The following TUSC3 variants were observed in gnomAD, a reference collection of about 807,000 sequenced individuals.
TUSC3 encodes the protein dolichyl-diphosphooligosaccharide--protein glycosyltransferase subunit TUSC3.
Under a neutral mutation model 44.8 loss-of-function variants are expected in TUSC3, and 45 were observed. The observed-to-expected ratio is 1.00, with a 90% CI of 0.79 to 1.29. The LOEUF is 1.29. Among genes scored for constraint, TUSC3 ranks in the 50% most tolerant of loss-of-function variants. The pLI is 0.00. For synonymous variants in TUSC3, 212 were observed against 152.9 expected (o/e 1.39, Z -2.85); for missense variants, 519 against 437.9 (o/e 1.19, Z -1.65).
At chr8:15,663,642 G>T (rs899575155) in intron 5 of TUSC3, among the ~76,000 whole-genome samples, 1 of 151,844 alleles carries the variant, frequency 6.6e-6, no homozygotes, top group African/African-American at 2.4e-5. Context: ...GAGCAAGGAA[G>T]ATAAGATTTT....
intron 1 of TUSC3, among the ~76,000 whole-genome samples, chr8:15,565,872 G>C (rs1310045069): frequency 6.6e-6 from 1 of 152,024 alleles, no homozygotes; most frequent in Non-Finnish European, 1.5e-5. Flanking sequence ...TCCTGAATTT[G>C]GCTCTGTACT....
chr8:15,744,130 C>A (rs368250772), intron 8 of TUSC3, among the ~76,000 whole-genome samples: 6 of 152,180 alleles, frequency 3.9e-5, no homozygotes, highest in Non-Finnish European at 8.8e-5. Context: ...ACTATCTTTT[C>A]CAGGGTCTTT....
chr8:15,506,130 A>G (rs997955529), intron 2 of TUSC3, among the ~76,000 whole-genome samples: 3 of 152,220 alleles, frequency 2.0e-5, no homozygotes, highest in East Asian at 1.9e-4. Context: ...TGACTTCCAC[A>G]TCATACCAGA....
chr8:15,810,684 C>G, the TUSC3 span, among the ~76,000 whole-genome samples: 1 of 152,036 alleles, frequency 6.6e-6, no homozygotes, highest in Non-Finnish European at 1.5e-5. Flanking sequence ...TATTTTATCC[C>G]CAAATATATT....
the TUSC3 span, among the ~76,000 whole-genome samples, chr8:15,849,477 G>A: frequency 1.4e-4 from 21 of 152,044 alleles, no homozygotes; most frequent in Non-Finnish European, 2.9e-4. Flanking sequence ...AAGCTCTGGG[G>A]AAAAGTATTG....
At chr8:15,507,817 A>G (rs977165684) in intron 2 of TUSC3, among the ~76,000 whole-genome samples, 3 of 152,208 alleles carry the variant, frequency 2.0e-5, no homozygotes, top group African/African-American at 7.2e-5. Context: ...AGTTAAATAA[A>G]AAAAAGGCAA....
intron 6 of TUSC3, among the ~76,000 whole-genome samples, chr8:15,701,599 C>G (rs1048327126): frequency 1.3e-5 from 2 of 152,104 alleles, no homozygotes; most frequent in Admixed American, 1.3e-4. Context: ...TGTCATCAAT[C>G]TGTTAATAAA....
At chr8:15,573,862 C>G (rs760377032) in intron 1 of TUSC3, among the ~76,000 whole-genome samples, 54 of 151,880 alleles carry the variant, frequency 3.6e-4, no homozygotes, top group Non-Finnish European at 7.1e-4. Context: ...CAGAACATGT[C>G]ATATTGCAAC....
chr8:15,818,948 G>A, the TUSC3 span, among the ~76,000 whole-genome samples: 2 of 152,096 alleles, frequency 1.3e-5, no homozygotes, highest in Non-Finnish European at 2.9e-5. Context: ...TGTGGGTCTC[G>A]TGCAGTGGTT....
At chr8:15,847,537 C>T in the TUSC3 span, among the ~76,000 whole-genome samples, 1,791 of 152,262 alleles carry the variant, frequency 0.012, 13 homozygotes, top group Non-Finnish European at 0.017. Flanking sequence ...ACCTAGGTGA[C>T]ATCATTTTCT....
In TUSC3 at chr8:15,662,105, GA is replaced by G. The variant is rs763901672; in HGVS notation, c.568-46del. 2.5e-6 allele frequency: 4 copies of G among 1,593,964 alleles called. No homozygotes were observed. The African/African-American group carries it at 4.0e-5, about 16-fold the overall frequency. ...TATGAGGACTAGAATATGATCAAAA[GA>G]AAAATTTTATTTTTCTTTCATTTTT... On this transcript the variant is annotated intron_variant, in intron 4 of 10. Transcript: ENST00000503731.
chr8:15,654,207 G>T (rs1807047092), intron 3 of TUSC3, among the ~76,000 whole-genome samples: 2 of 152,138 alleles, frequency 1.3e-5, no homozygotes, highest in Admixed American at 1.3e-4. Context: ...GGAAGATGGG[G>T]ACTTTCAGCT....
intron 2 of TUSC3, among the ~76,000 whole-genome samples, chr8:15,636,521 A>C (rs1377430974): frequency 6.6e-6 from 1 of 152,214 alleles, no homozygotes; most frequent in African/African-American, 2.4e-5. Context: ...GGCAGTTGCC[A>C]TCCAGAAATC....
chr8:15,543,910 TTGTGTGTGTGTG>T (rs34091995), intron 1 of TUSC3, among the ~76,000 whole-genome samples: 1 of 148,812 alleles, frequency 6.7e-6, no homozygotes. Flanking sequence ...TCCCATGGAT[TTGTGTGTGTGTG>T]TGTGTGTGTG....
At chr8:15,503,443 C>G (rs1800997148) in intron 2 of TUSC3, among the ~76,000 whole-genome samples, 1 of 152,034 alleles carries the variant, frequency 6.6e-6, no homozygotes, top group East Asian at 1.9e-4. Flanking sequence ...ACTTCTAGGA[C>G]CTTCTTCTTC....
At chr8:15,423,433 C>T (rs914831821) in intron 1 of TUSC3, among the ~76,000 whole-genome samples, 1 of 152,168 alleles carries the variant, frequency 6.6e-6, no homozygotes, top group African/African-American at 2.4e-5. Context: ...TTCCATAAGT[C>T]TGTCGTAAGT....
chr8:15,642,627 A>G (rs1001401954), intron 2 of TUSC3, among the ~76,000 whole-genome samples: 1 of 152,282 alleles, frequency 6.6e-6, no homozygotes, highest in Admixed American at 6.5e-5. Flanking sequence ...TTACTGGGAA[A>G]TCCTGCAGGA....
At chr8:15,686,301 C>T (rs186935374) in intron 6 of TUSC3, among the ~76,000 whole-genome samples, 6 of 151,988 alleles carry the variant, frequency 3.9e-5, no homozygotes, top group South Asian at 2.1e-4. Flanking sequence ...TGAACAAATG[C>T]GTTATTTTCA....
In TUSC3 at chr8:15,758,173, T is replaced by C. The variant is rs916068977; in HGVS notation, c.*46+318T>C. On this transcript the variant is annotated intron_variant, in intron 10 of 10. Coordinates refer to ENST00000503731, the MANE Select transcript of TUSC3 (RefSeq NM_006765.4). ...TTAGGGAAAAAAGGCAGTCAACAAA[T>C]ATATTTCATTCTATCTAGGAAAAAT... 11 of 1,074,998 alleles carry C rather than the reference T, an allele frequency of 1.0e-5. No homozygotes were observed. The African/African-American group carries it at 1.7e-4, about 16-fold the overall frequency. 66.6% of individuals were successfully genotyped at this position (1,074,998 alleles called of 1,614,324 possible).
Sources: allele counts gnomAD v4.1 joint callset (sites outside exome capture counted in the v4.1 genomes callset), GRCh38; gene constraint gnomAD v4.1.1; transcripts MANE v1.5; gene names NCBI Gene and HGNC (gene_info 2026-07-23, HGNC 2026-07-21).